SV2C: variants seen among roughly 807,000 people sequenced by gnomAD.
SV2C encodes solute carrier family 22 member B3.
A neutral mutation model predicts 79.7 loss-of-function variants in SV2C; 49 were observed. That is an observed-to-expected ratio of 0.61 (90% CI 0.49 to 0.78). The LOEUF (loss-of-function observed/expected upper bound fraction) is 0.78, where lower values mean the gene tolerates loss of function less well. SV2C is among the 30% of genes least tolerant of loss of function. SV2C has a pLI of 0.00. For missense variants in SV2C, 833 were observed against 912.9 expected (o/e 0.91, Z 1.13); for synonymous variants, 334 against 333.2 (o/e 1.00, Z -0.03).
chr5:75,953,961 T>C, the SV2C span, among the ~76,000 whole-genome samples: 1 of 151,962 alleles, frequency 6.6e-6, no homozygotes, highest in East Asian at 1.9e-4. Context: ...CTGGGGACAT[T>C]CAAACCAAGA....
At chr5:76,108,769 C>A (rs1266106623) in intron 1 of SV2C, among the ~76,000 whole-genome samples, 7 of 152,092 alleles carry the variant, frequency 4.6e-5, no homozygotes, top group African/African-American at 1.7e-4. Flanking sequence ...ATGTGAGTCC[C>A]ACCCTAAAGC....
the SV2C span, chr5:76,075,527 G>C: frequency 5.9e-6 from 1 of 169,386 alleles, no homozygotes; most frequent in Non-Finnish European, 1.3e-5. Flanking sequence ...CTTGTCAGAA[G>C]AAGATGGCAG....
the SV2C span, among the ~76,000 whole-genome samples, chr5:75,966,204 G>A: frequency 6.6e-6 from 1 of 152,230 alleles, no homozygotes; most frequent in African/African-American, 2.4e-5. Flanking sequence ...CCAATTTTAA[G>A]TTCTTTCTAA....
At chr5:75,904,165 T>A in the SV2C span, among the ~76,000 whole-genome samples, 3 of 152,080 alleles carry the variant, frequency 2.0e-5, no homozygotes, top group Non-Finnish European at 4.4e-5. Flanking sequence ...GGTTTTTAGG[T>A]TAGGGAGAGA....
the SV2C span, among the ~76,000 whole-genome samples, chr5:76,047,368 T>TTTATCCAACA: frequency 6.6e-6 from 1 of 152,184 alleles, no homozygotes; most frequent in Non-Finnish European, 1.5e-5. Context: ...TATGTATTAT[T>TTTATCCAACA]TTGTGTGTGG....
chr5:76,011,122 A>G, the SV2C span, among the ~76,000 whole-genome samples: 2 of 152,156 alleles, frequency 1.3e-5, no homozygotes, highest in Admixed American at 6.5e-5. Flanking sequence ...AAAAAAGAAG[A>G]CAGAAAGATA....
At chr5:76,155,469 T>C (rs940453120) in intron 2 of SV2C, among the ~76,000 whole-genome samples, 3 of 152,162 alleles carry the variant, frequency 2.0e-5, no homozygotes, top group African/African-American at 4.8e-5. Context: ...CAGCTCCTAA[T>C]TGGAGACCTG....
chr5:76,308,379 G>A (rs1748284172), intron 12 of SV2C, among the ~76,000 whole-genome samples: 1 of 152,152 alleles, frequency 6.6e-6, no homozygotes, highest in Non-Finnish European at 1.5e-5. Flanking sequence ...GAAAGTCCCA[G>A]CTCCTTACTT....
the SV2C span, among the ~76,000 whole-genome samples, chr5:75,936,619 G>A: frequency 6.6e-6 from 1 of 152,186 alleles, no homozygotes; most frequent in East Asian, 1.9e-4. Context: ...GACGAAGCTT[G>A]AGTTTATATG....
the SV2C span, among the ~76,000 whole-genome samples, chr5:76,015,832 G>A: frequency 1.2e-4 from 19 of 152,112 alleles, no homozygotes; most frequent in African/African-American, 4.6e-4. Flanking sequence ...TTACAGAGAA[G>A]CTAGAGAATA....
the SV2C span, among the ~76,000 whole-genome samples, chr5:75,924,005 C>A: frequency 1.8e-3 from 269 of 152,294 alleles, no homozygotes; most frequent in African/African-American, 6.2e-3. Flanking sequence ...ATGGAACCAA[C>A]CTAAGTGGCC....
Position 76,329,133 on chromosome 5 carries a change from A to G in SV2C, c.*3586A>G, listed in dbSNP as rs1749098282. On this transcript the variant is annotated 3_prime_UTR_variant, in exon 13 of 13. Transcript: ENST00000502798. ...AAAAATTAGGAAATAGGCACGCATAAAAAGAGTGTAGGAAGTTGTTTGGGA... is the reference window on the plus strand; with the variant it reads ...AAAAATTAGGAAATAGGCACGCATAGAAAGAGTGTAGGAAGTTGTTTGGGA... 6.6e-6 allele frequency: 1 copy of G among 152,174 alleles called. No homozygotes were observed. The highest frequency in any genetic ancestry group is 1.5e-5 in the Non-Finnish European group (1 of 68,038). The allele number at this position is 152,174 out of a possible 1,614,324, so 9.4% of individuals were successfully genotyped here. A position where few individuals can be genotyped will look rare whatever the true frequency, so the allele number is the denominator to read the frequency against.
the SV2C span, among the ~76,000 whole-genome samples, chr5:75,977,698 C>T: frequency 1.1e-4 from 16 of 152,296 alleles, no homozygotes; most frequent in Middle Eastern, 3.4e-3. Flanking sequence ...CATATACTTC[C>T]GGCAGTGCAT....
At chr5:76,052,734 G>A in the SV2C span, among the ~76,000 whole-genome samples, 5 of 152,148 alleles carry the variant, frequency 3.3e-5, no homozygotes, top group Non-Finnish European at 7.4e-5. Context: ...TTAACACTCA[G>A]TCCCTACAAT....
chr5:75,902,346 T>C, the SV2C span, among the ~76,000 whole-genome samples: 1 of 152,216 alleles, frequency 6.6e-6, no homozygotes, highest in Non-Finnish European at 1.5e-5. Context: ...TGTCCCTGTG[T>C]GCAAGAAATT....
chr5:75,958,392 C>G, the SV2C span, among the ~76,000 whole-genome samples: 2 of 151,940 alleles, frequency 1.3e-5, no homozygotes, highest in African/African-American at 2.4e-5. Flanking sequence ...ATGAAGTTCC[C>G]TAAATGTGGG....
chr5:76,306,702 G>A (rs1748205521), intron 12 of SV2C, among the ~76,000 whole-genome samples: 2 of 152,102 alleles, frequency 1.3e-5, no homozygotes, highest in Admixed American at 1.3e-4. Context: ...ATAAATTGAG[G>A]GCAGGAGGGG....
chr5:76,058,251 C>G, the SV2C span, among the ~76,000 whole-genome samples: 1 of 152,098 alleles, frequency 6.6e-6, no homozygotes, highest in Non-Finnish European at 1.5e-5. Flanking sequence ...ATGAATAACT[C>G]AGGCAGAGTC....
At chr5:75,978,720 A>T in the SV2C span, among the ~76,000 whole-genome samples, 2 of 152,214 alleles carry the variant, frequency 1.3e-5, no homozygotes, top group African/African-American at 4.8e-5. Flanking sequence ...CTGAATGGAG[A>T]GAAATTGCCA....
Sources: gnomAD v4.1 joint callset for allele counts (sites outside exome capture counted in the v4.1 genomes callset) on GRCh38, gnomAD v4.1.1 for gene constraint, MANE v1.5 for transcripts, NCBI Gene and HGNC (gene_info 2026-07-23, HGNC 2026-07-21) for gene names.